KLHDC8A: variants seen among roughly 807,000 people sequenced by gnomAD.
KLHDC8A encodes kelch domain containing 8A, also known as kelch domain-containing protein 8A.
In KLHDC8A, 21 loss-of-function variants were observed where a neutral mutation model predicts 33.1. That is an observed-to-expected ratio of 0.64 (90% confidence interval 0.45 to 0.91). The LOEUF (loss-of-function observed/expected upper bound fraction) is 0.91. Among genes scored for constraint, KLHDC8A ranks in the 40% least tolerant of loss-of-function variants. KLHDC8A has a pLI of 0.00. For synonymous variants in KLHDC8A, 173 were observed against 193.5 expected (o/e 0.89, Z 0.88); for missense variants, 435 against 483.3 (o/e 0.90, Z 0.94).
intron 2 of KLHDC8A, 90 bp downstream of exon 2, chr1:205,343,139 C>T: frequency 6.7e-7 from 1 of 1,498,552 alleles, no homozygotes; most frequent in Non-Finnish European, 9.0e-7. Flanking sequence ...ACTCCACAGC[C>T]CACAGCAAAT....
Position 205,337,682 on chromosome 1 carries a change from C to G in KLHDC8A, c.860-90G>C. The G allele has an allele frequency of 1.5e-5, 13 of 890,306 alleles. No individual in the cohort carries two copies. In the South Asian group the frequency reaches 2.1e-4, roughly 15 times the overall value. 55.2% of individuals were successfully genotyped at this position (890,306 alleles called of 1,614,324 possible). ...ACCCCACCTCCCTCCCTTCGGCACC[C>G]ACAAGCAGAAGCCAAGCAAGGTCAA... On this transcript the variant is annotated intron_variant, in intron 5 of 5. Coordinates refer to ENST00000367155, the MANE Select transcript of KLHDC8A (RefSeq NM_018203.3).
intron 2 of KLHDC8A, among the ~76,000 whole-genome samples, chr1:205,340,891 GAC>G (rs961964079): frequency 2.6e-5 from 4 of 152,240 alleles, no homozygotes; most frequent in Non-Finnish European, 5.9e-5. Context: ...TGGCCTATGG[GAC>G]ACTGGACTGC....
intron 1 of KLHDC8A, chr1:205,351,590 T>A: frequency 2.3e-6 from 1 of 429,342 alleles, no homozygotes; most frequent in Non-Finnish European, 4.1e-6. Flanking sequence ...TTAAATAAAC[T>A]TCTGTAATAG....
chr1:205,353,864 A>G (rs780543156), intron 1 of KLHDC8A, among the ~76,000 whole-genome samples: 2 of 152,230 alleles, frequency 1.3e-5, no homozygotes, highest in Non-Finnish European at 2.9e-5. Context: ...AGAAACAAGC[A>G]CTAAGAGGTC....
Position 205,338,436 on chromosome 1 carries a change from CA to C in KLHDC8A, c.859+58del, listed in dbSNP as rs1395276356. On this transcript the variant is annotated intron_variant, in intron 5 of 5. Coordinates refer to ENST00000367155, the MANE Select transcript of KLHDC8A (RefSeq NM_018203.3). ...ACCCTTTCCTGCATATGCAAAGTGC[CA>C]AGGATCCACTGAGCACCAGAACCAC... is the stretch of plus-strand genomic sequence containing the variant. The C allele has an allele frequency of 6.7e-6, 9 of 1,349,584 alleles. No homozygotes were observed. In the East Asian group the frequency reaches 9.2e-5, roughly 14 times the overall value. 83.6% of individuals were successfully genotyped at this position (1,349,584 alleles called of 1,614,324 possible). A position where few individuals can be genotyped will look rare whatever the true frequency, so the allele number is the denominator to read the frequency against.
Position 205,338,514 on chromosome 1 carries a change from G to A in KLHDC8A, c.840C>T (p.Val280=), listed in dbSNP as rs754418743. 6.2e-7 allele frequency: 1 copy of A among 1,613,856 alleles called. No individual in the cohort carries two copies. The highest frequency in any genetic ancestry group is 8.5e-7 in the Non-Finnish European group (1 of 1,179,772). The change falls in exon 5 of 6, where the codon GTC becomes GTT. Residue 280 remains valine, a synonymous_variant. Coordinates refer to ENST00000367155, the MANE Select transcript of KLHDC8A (RefSeq NM_018203.3). ...DFVAGSLSGR[V]IVAGGLGNQP... ...CCTTACCAAGTCCCCCAGCCACTAT[G>A]ACCCGTCCACTCAGAGAGCCAGCCA...
At chr1:205,341,751 C>T (rs996904088) in intron 2 of KLHDC8A, among the ~76,000 whole-genome samples, 4 of 152,074 alleles carry the variant, frequency 2.6e-5, no homozygotes, top group African/African-American at 7.2e-5. Context: ...CCCAGGTTCA[C>T]GCCATTCTCC....
intron 2 of KLHDC8A, among the ~76,000 whole-genome samples, chr1:205,340,241 C>T (rs1435831626): frequency 2.0e-5 from 3 of 151,316 alleles, no homozygotes; most frequent in Middle Eastern, 3.5e-3. Context: ...TCTCGAACTC[C>T]GGGGCTCAAG....
At chr1:205,341,746 G>A (rs1374498974) in intron 2 of KLHDC8A, among the ~76,000 whole-genome samples, 6 of 151,960 alleles carry the variant, frequency 3.9e-5, no homozygotes, top group African/African-American at 1.5e-4. Flanking sequence ...TGCCTCCCAG[G>A]TTCACGCCAT....
At chr1:205,355,972 G>A (rs1274653190) in intron 1 of KLHDC8A, among the ~76,000 whole-genome samples, 1 of 152,198 alleles carries the variant, frequency 6.6e-6, no homozygotes. Flanking sequence ...CATGTGCGCA[G>A]GTTTGTCACA....
intron 4 of KLHDC8A, 52 bp from the exon 5 acceptor site, chr1:205,338,648 A>G: frequency 2.1e-6 from 3 of 1,439,286 alleles, no homozygotes; most frequent in Non-Finnish European, 2.9e-6. Flanking sequence ...GATACAGACC[A>G]CTCCCACCAA....
At position 205,339,135 on chromosome 1, in the gene KLHDC8A, G is replaced by T; in HGVS notation, c.757+59C>A. 1.4e-6 allele frequency: 2 copies of T among 1,446,612 alleles called. No homozygotes were observed. Among genetic ancestry groups the T allele is most frequent in the East Asian group, 2.3e-5 (1 of 43,702 alleles). The allele number at this position is 1,446,612 out of a possible 1,614,324, so 89.6% of individuals were successfully genotyped here. On this transcript the variant is annotated intron_variant, in intron 4 of 5. Coordinates refer to ENST00000367155, the MANE Select transcript of KLHDC8A (RefSeq NM_018203.3). This position sits in a 1 kb window ranked among gnomAD's most constrained non-coding sequence, Gnocchi z 5.1. ...TGGCTGGAATAGGGGTAAGGGATGG[G>T]GAGCCAGCCAGAAGGGCAGTGGGCA... is the stretch of plus-strand genomic sequence containing the variant.
intron 1 of KLHDC8A, among the ~76,000 whole-genome samples, chr1:205,349,396 C>T (rs10751436): frequency 0.52 from 79,810 of 152,054 alleles, 21,731 homozygotes; most frequent in East Asian, 0.69. Flanking sequence ...TATCCATTAA[C>T]GAATGCATCT....
chr1:205,350,121 C>G (rs1037733098), intron 1 of KLHDC8A, among the ~76,000 whole-genome samples: 6 of 152,214 alleles, frequency 3.9e-5, no homozygotes, highest in East Asian at 3.9e-4. Flanking sequence ...CTGGCCCCAC[C>G]AGCTCTCACA....
rs373227341 is a variant in KLHDC8A at position 205,349,878 on chromosome 1, A to G, written c.-189-6085T>C. ...GACCTCCAGCCTACGTTTTGTTGTA[A>G]CCGGGCTGTGCAACTATGGGCAAGT... is the stretch of plus-strand genomic sequence containing the variant. On this transcript the variant is annotated intron_variant, in intron 1 of 5. Transcript: ENST00000367155. Among the ~76,000 whole-genome samples the G allele has an allele frequency of 3.3e-5, 5 of 152,126 alleles. No individual in the cohort carries two copies. In the East Asian group the frequency reaches 7.7e-4, roughly 23 times the overall value.
rs1222600503 is a variant in KLHDC8A, at chr1:205,339,150, G to C, written c.757+44C>G. The C allele has an allele frequency of 1.2e-5, 18 of 1,533,632 alleles. No individual in the cohort carries two copies. The highest frequency in any genetic ancestry group is 1.5e-5 in the Non-Finnish European group (17 of 1,110,178). On this transcript the variant is annotated intron_variant, in intron 4 of 5. Coordinates refer to ENST00000367155, the MANE Select transcript of KLHDC8A (RefSeq NM_018203.3). This position sits in a 1 kb window ranked among gnomAD's most constrained non-coding sequence, Gnocchi z 5.1. ...TAAGGGATGGGGAGCCAGCCAGAAG[G>C]GCAGTGGGCAGCCAGAGCTTCCTGG...
intron 1 of KLHDC8A, among the ~76,000 whole-genome samples, chr1:205,354,034 G>A (rs1470645812): frequency 6.6e-6 from 1 of 152,180 alleles, no homozygotes; most frequent in Non-Finnish European, 1.5e-5. Context: ...GCAGCCCAGC[G>A]AGGACCCACT....
At chr1:205,346,168 T>C (rs549772683) in intron 1 of KLHDC8A, among the ~76,000 whole-genome samples, 2 of 152,196 alleles carry the variant, frequency 1.3e-5, no homozygotes, top group Admixed American at 6.5e-5. Context: ...TCTGTGTCTG[T>C]TTTCCCTATT....
intron 2 of KLHDC8A, among the ~76,000 whole-genome samples, chr1:205,342,912 G>T (rs771346468): frequency 7.9e-5 from 12 of 152,134 alleles, no homozygotes; most frequent in Non-Finnish European, 1.8e-4. Context: ...AGAGGGGCAG[G>T]TTGAAGGTGG....
Sources: gnomAD v4.1 joint callset for allele counts (sites outside exome capture counted in the v4.1 genomes callset) on GRCh38, gnomAD v4.1.1 for gene constraint, Gnocchi (gnomAD v3.1) non-coding constraint, MANE v1.5 for transcripts, NCBI Gene and HGNC (gene_info 2026-07-23, HGNC 2026-07-21) for gene names.